SPPL3: variants seen among roughly 807,000 people sequenced by gnomAD.
SPPL3 encodes the protein signal peptide peptidase like 3, also known as signal peptide peptidase-like 3.
A neutral mutation model predicts 42.4 loss-of-function variants in SPPL3; 5 were observed. The ratio of observed to expected loss-of-function variants is 0.12; its 90% CI spans 0.06 to 0.25. SPPL3 has a LOEUF of 0.25. Among genes scored for constraint, SPPL3 ranks in the 10% least tolerant of loss-of-function variants. SPPL3 has a pLI of 1.00. For missense variants in SPPL3, 235 were observed against 489.0 expected (o/e 0.48, Z 4.90); for synonymous variants, 195 against 181.8 (o/e 1.07, Z -0.58).
chr12:120,767,247 C>T, intron 9 of SPPL3, 147 bp downstream of exon 9: 1 of 786,782 alleles, frequency 1.3e-6, no homozygotes, highest in Non-Finnish European at 2.0e-6. Context: ...AAACACTTAG[C>T]ATCTCACGGG....
At chr12:120,780,350 A>G (rs1469212713) in intron 6 of SPPL3, among the ~76,000 whole-genome samples, 8 of 151,362 alleles carry the variant, frequency 5.3e-5, no homozygotes, top group Admixed American at 2.6e-4. Flanking sequence ...TGTGTACTTG[A>G]GAGGCAGAGG....
At chr12:120,817,840 C>T (rs1870932139) in intron 1 of SPPL3, among the ~76,000 whole-genome samples, 1 of 152,158 alleles carries the variant, frequency 6.6e-6, no homozygotes, top group African/African-American at 2.4e-5. Flanking sequence ...GTATCATCCT[C>T]TATTCTGTTC....
rs577007238 is a variant in SPPL3 at position 120,870,934 on chromosome 12, C to T, written c.23+32911G>A. Among the ~76,000 whole-genome samples the T allele has an allele frequency of 7.0e-4, 107 of 151,878 alleles. 2 individuals carry two copies. In the South Asian group the frequency reaches 0.015, roughly 22 times the overall value. On this transcript the variant is annotated intron_variant, in intron 1 of 10. Transcript: ENST00000353487. ...CCTCAGCTCAGGAGTTCAAGACCAG[C>T]CTAGGCAACATGGTGAAACCTTGTC...
At chr12:120,900,820 G>A (rs1293600611) in intron 1 of SPPL3, among the ~76,000 whole-genome samples, 1 of 151,338 alleles carries the variant, frequency 6.6e-6, no homozygotes, top group Non-Finnish European at 1.5e-5. Flanking sequence ...CACCTGCAGG[G>A]CTGAGGCAGG....
chr12:120,848,467 A>C (rs545098864), intron 1 of SPPL3, among the ~76,000 whole-genome samples: 1 of 152,320 alleles, frequency 6.6e-6, no homozygotes, highest in South Asian at 2.1e-4. Flanking sequence ...TTTCTTGTCC[A>C]ATCTAATGAC....
At position 120,795,294 on chromosome 12, in the gene SPPL3, C is replaced by T. The variant is rs113319351; in HGVS notation, c.102-3737G>A. Among the ~76,000 whole-genome samples the T allele has an allele frequency of 1.2e-4, 18 of 152,254 alleles. 1 individual carries two copies. Among genetic ancestry groups the T allele is most frequent in the African/African-American group, 2.9e-4 (12 of 41,550 alleles). The stretch of plus-strand genomic sequence containing the variant: ...ACTGTAAATAGAAAAAAACTTTTAT[C>T]GATGGATGTTCATTTCTGGTGATCT... On this transcript the variant is annotated intron_variant, in intron 2 of 10. Transcript: ENST00000353487.
Position 120,830,547 on chromosome 12 carries a change from GA to G in SPPL3, c.24-19662del, listed in dbSNP as rs1190360540. Reference sequence around the variant, plus strand: ...GGGAGGGGGAGAGCAGAGGGGAGGGGAGGGGAGGGGGAGGGGTGGGGGAGGG... The same window carrying G: ...GGGAGGGGGAGAGCAGAGGGGAGGGGGGGGAGGGGGAGGGGTGGGGGAGGG... On this transcript the variant is annotated intron_variant, in intron 1 of 10. Coordinates refer to ENST00000353487, the MANE Select transcript of SPPL3 (RefSeq NM_139015.5). Among the ~76,000 whole-genome samples, 47 of 29,170 alleles carry G rather than the reference GA, an allele frequency of 1.6e-3. 2 individuals carry two copies. The highest frequency in any genetic ancestry group is 3.7e-3 in the Non-Finnish European group (43 of 11,588). 19.1% of individuals were successfully genotyped at this position (29,170 alleles called of 152,430 possible). A position where few individuals can be genotyped will look rare whatever the true frequency, so the allele number is the denominator to read the frequency against.
intron 1 of SPPL3, chr12:120,902,087 C>T (rs1191174269): frequency 5.0e-6 from 1 of 201,438 alleles, no homozygotes; most frequent in Admixed American, 6.5e-5. Flanking sequence ...CTTACTCTGT[C>T]CAGAAGGAAG....
intron 1 of SPPL3, among the ~76,000 whole-genome samples, chr12:120,866,422 G>C (rs371440665): frequency 8.5e-5 from 13 of 152,154 alleles, no homozygotes; most frequent in African/African-American, 3.1e-4. Context: ...TATACCTCTA[G>C]AGAGAACATT....
At chr12:120,809,223 T>C (rs1053072235) in intron 2 of SPPL3, among the ~76,000 whole-genome samples, 14 of 152,102 alleles carry the variant, frequency 9.2e-5, no homozygotes, top group Non-Finnish European at 1.6e-4. Context: ...CGGGCGCCTG[T>C]AGTCCCAGCT....
At chr12:120,859,123 C>T (rs1220546203) in intron 1 of SPPL3, among the ~76,000 whole-genome samples, 1 of 151,546 alleles carries the variant, frequency 6.6e-6, no homozygotes, top group Non-Finnish European at 1.5e-5. Flanking sequence ...AAGTGTTCTT[C>T]ATCCAAAATG....
intron 1 of SPPL3, among the ~76,000 whole-genome samples, chr12:120,845,987 T>TC (rs1300599029): frequency 9.2e-5 from 14 of 152,040 alleles, no homozygotes; most frequent in Non-Finnish European, 2.1e-4. Context: ...AGCCTCCGCC[T>TC]CCCGGGTTCA....
chr12:120,845,544 A>G, intron 1 of SPPL3: 1 of 471,674 alleles, frequency 2.1e-6, no homozygotes, highest in Non-Finnish European at 4.1e-6. Context: ...CCCCAGCTTA[A>G]GCTTGTACTG....
At chr12:120,890,450 G>A (rs182306398) in intron 1 of SPPL3, among the ~76,000 whole-genome samples, 28 of 151,670 alleles carry the variant, frequency 1.8e-4, no homozygotes, top group Middle Eastern at 3.4e-3. Flanking sequence ...TTAGCTGGGC[G>A]TGGTGGCAGG....
chr12:120,891,736 TAA>T (rs5801407), intron 1 of SPPL3, among the ~76,000 whole-genome samples: 55,567 of 134,356 alleles, frequency 0.41, 12,203 homozygotes, highest in Middle Eastern at 0.57. Flanking sequence ...TTGCAAATTC[TAA>T]AAAAAAAAAA....
At position 120,764,419 on chromosome 12, in the gene SPPL3, ATGT is replaced by A. The variant is rs1868797135; in HGVS notation, c.*577_*579del. 1 of 153,788 alleles carries A rather than the reference ATGT, an allele frequency of 6.5e-6. No homozygotes were observed. Among genetic ancestry groups the A allele is most frequent in the Non-Finnish European group, 1.5e-5 (1 of 68,932 alleles). The allele number at this position is 153,788 out of a possible 1,614,324, so 9.5% of individuals were successfully genotyped here. A position where few individuals can be genotyped will look rare whatever the true frequency, so the allele number is the denominator to read the frequency against. ...CTCATTACAACAAATTCTTATGTGG[ATGT>A]TGTAAGAAGTCACTCAATGTCTGTG... On this transcript the variant is annotated 3_prime_UTR_variant, in exon 11 of 11. Transcript: ENST00000353487.
chr12:120,823,880 T>TC (rs1377702016), intron 1 of SPPL3, among the ~76,000 whole-genome samples: 1 of 151,974 alleles, frequency 6.6e-6, no homozygotes, highest in East Asian at 1.9e-4. Context: ...AAGACATTTT[T>TC]TTTTTTTTGA....
chr12:120,875,624 C>CA (rs60385982), intron 1 of SPPL3, among the ~76,000 whole-genome samples: 28,101 of 103,344 alleles, frequency 0.27, 4,466 homozygotes, highest in African/African-American at 0.49. Flanking sequence ...GACTCCATTT[C>CA]AAAAAAAAAA....
chr12:120,868,314 G>A (rs955715947), intron 1 of SPPL3, among the ~76,000 whole-genome samples: 1 of 152,048 alleles, frequency 6.6e-6, no homozygotes, highest in Non-Finnish European at 1.5e-5. Context: ...GTGGAGTACA[G>A]AGCAAATTCA....
Sources: gnomAD v4.1 joint callset for allele counts (sites outside exome capture counted in the v4.1 genomes callset) on GRCh38, gnomAD v4.1.1 for gene constraint, MANE v1.5 for transcripts, NCBI Gene and HGNC (gene_info 2026-07-23, HGNC 2026-07-21) for gene names.